USP3: variants seen among roughly 807,000 people sequenced by gnomAD.
USP3 encodes the protein ubiquitin carboxyl-terminal hydrolase 3.
In USP3, 20 loss-of-function variants were observed where a neutral mutation model predicts 72.3. The ratio of observed to expected loss-of-function variants is 0.28; its 90% confidence interval spans 0.19 to 0.40. USP3 has a LOEUF of 0.40. USP3 is among the 10% of genes least tolerant of loss of function. The pLI is 1.00. For synonymous variants in USP3, 222 were observed against 225.3 expected, an observed-to-expected ratio of 0.99 and a Z score of 0.13; for missense variants, 479 against 633.9, an observed-to-expected ratio of 0.76 and a Z score of 2.62.
chr15:63,585,028 T>C (rs1328428032), intron 11 of USP3, among the ~76,000 whole-genome samples: 2 of 152,204 alleles, frequency 1.3e-5, no homozygotes. Flanking sequence ...TTGAGTAGTC[T>C]TGTCATTCTT....
intron 1 of USP3, among the ~76,000 whole-genome samples, chr15:63,524,822 C>T (rs1330315349): frequency 6.6e-6 from 1 of 152,130 alleles, no homozygotes; most frequent in Non-Finnish European, 1.5e-5. Context: ...TTCATAAGGC[C>T]TGGAGTTGCA....
In USP3 at chr15:63,591,871, A is replaced by AGTT. The variant is rs1462692438; in HGVS notation, c.*1047_*1049dup. The AGTT allele has an allele frequency of 6.6e-6, 1 of 152,104 alleles. No individual in the cohort carries two copies. Among genetic ancestry groups the AGTT allele is most frequent in the Non-Finnish European group, 1.5e-5 (1 of 68,036 alleles). 9.4% of individuals were successfully genotyped at this position (152,104 alleles called of 1,614,324 possible). On this transcript the variant is annotated 3_prime_UTR_variant, in exon 15 of 15. Transcript: ENST00000380324. ...CTGGCCTATCCTGATTGATAGGACA[A>AGTT]GTTGAAAATACTGTTGGAGTAAGTA...
At chr15:63,540,373 T>C (rs1249302553) in intron 3 of USP3, among the ~76,000 whole-genome samples, 1 of 152,366 alleles carries the variant, frequency 6.6e-6, no homozygotes, top group South Asian at 2.1e-4. Context: ...TTTGTAAATG[T>C]CCTTGGAGAC....
chr15:63,594,431 G>A lies in USP3; in HGVS notation c.*3605G>A, dbSNP rs1199899879. 1 of 152,200 alleles carries A rather than the reference G, an allele frequency of 6.6e-6. No homozygotes were observed. The highest frequency in any genetic ancestry group is 1.9e-4 in the East Asian group (1 of 5,198). 9.4% of individuals were successfully genotyped at this position (152,200 alleles called of 1,614,324 possible). The stretch of plus-strand genomic sequence containing the variant: ...GGGTGCAGTGCCTTCCCCCTCAGGT[G>A]TGAGCGTGATGGACTCTAGACTGCC... On this transcript the variant is annotated 3_prime_UTR_variant, in exon 15 of 15. Transcript: ENST00000380324.
chr15:63,574,223 AGT>A lies in USP3; in HGVS notation c.1015+74_1015+75del, dbSNP rs2152679057. ...AATTTAATGTTTCCTTCAAAAAATAAGTGTAAAGAGAAATCTAGAAATACATC... is the reference window on the plus strand; with the variant it reads ...AATTTAATGTTTCCTTCAAAAAATAAGTAAAGAGAAATCTAGAAATACATC... On this transcript the variant is annotated intron_variant, in intron 10 of 14. Coordinates refer to ENST00000380324, the MANE Select transcript of USP3 (RefSeq NM_006537.4). The surrounding 1 kb of genome is among the most constrained non-coding windows in gnomAD (Gnocchi z 4.6). 1 of 1,401,912 alleles carries A rather than the reference AGT, an allele frequency of 7.1e-7. No individual in the cohort carries two copies. Among genetic ancestry groups the A allele is most frequent in the East Asian group, 2.5e-5 (1 of 39,270 alleles). 86.8% of individuals were successfully genotyped at this position (1,401,912 alleles called of 1,614,324 possible).
chr15:63,515,861 C>G (rs908995799), intron 1 of USP3, among the ~76,000 whole-genome samples: 6 of 152,198 alleles, frequency 3.9e-5, no homozygotes, highest in African/African-American at 1.2e-4. Flanking sequence ...CACTCTCAGT[C>G]CTGCTGTCCA....
chr15:63,589,301 T>C (rs2067138797), intron 14 of USP3, among the ~76,000 whole-genome samples: 1 of 152,212 alleles, frequency 6.6e-6, no homozygotes, highest in African/African-American at 2.4e-5. Flanking sequence ...CCAACTGAAA[T>C]TTAAATGGGG....
chr15:63,588,924 C>T lies in USP3; in HGVS notation c.1330-20C>T, dbSNP rs766309505. 54 of 1,613,980 alleles carry T rather than the reference C, an allele frequency of 3.3e-5. No individual in the cohort carries two copies. The Admixed American group carries it at 7.3e-4, about 22-fold the overall frequency. On this transcript the variant is annotated intron_variant, in intron 13 of 14. Transcript: ENST00000380324. This position sits in a 1 kb window ranked among gnomAD's most constrained non-coding sequence, Gnocchi z 4.6. ...GATACTGATGTCATTGACCACTGCT[C>T]CTTCTTCCTTGTTCTGTAGCCTGAG...
At position 63,520,554 on chromosome 15, in the gene USP3, A is replaced by ATTTTTTTTTTTTTTTTTTTTTTTT. The variant is rs35244583; in HGVS notation, c.92-12089_92-12066dup. On this transcript the variant is annotated intron_variant, in intron 1 of 14. Coordinates refer to ENST00000380324, the MANE Select transcript of USP3 (RefSeq NM_006537.4). Reference sequence around the variant, plus strand: ...TTTGTTTGTTTGATTTCTGTTTTAGATTTTTTTTTTTTTTTTTTTTTTTTT... The same window carrying ATTTTTTTTTTTTTTTTTTTTTTTT: ...TTTGTTTGTTTGATTTCTGTTTTAGATTTTTTTTTTTTTTTTTTTTTTTTTTTTTTTTTTTTTTTTTTTTTTTTT... Among the ~76,000 whole-genome samples the ATTTTTTTTTTTTTTTTTTTTTTTT allele has an allele frequency of 1.7e-4, 18 of 105,424 alleles. 9 individuals are homozygous for ATTTTTTTTTTTTTTTTTTTTTTTT. Among genetic ancestry groups the ATTTTTTTTTTTTTTTTTTTTTTTT allele is most frequent in the Admixed American group, 2.1e-4 (2 of 9,740 alleles). 69.2% of individuals were successfully genotyped at this position (105,424 alleles called of 152,430 possible). A position where few individuals can be genotyped will look rare whatever the true frequency, so the allele number is the denominator to read the frequency against.
At chr15:63,520,554 A>ATTT (rs35244583) in intron 1 of USP3, among the ~76,000 whole-genome samples, 3 of 105,420 alleles carry the variant, frequency 2.8e-5, no homozygotes, top group African/African-American at 1.1e-4. Flanking sequence ...TCTGTTTTAG[A>ATTT]TTTTTTTTTT....
chr15:63,581,348 TGTGTG>T (rs2066956984), intron 11 of USP3, among the ~76,000 whole-genome samples: 3 of 4,224 alleles, frequency 7.1e-4, no homozygotes, highest in African/African-American at 2.6e-3. Flanking sequence ...TTGGTTTTTG[TGTGTG>T]TGTGTGTGTG....
intron 1 of USP3, among the ~76,000 whole-genome samples, chr15:63,517,526 A>T (rs1477637998): frequency 3.3e-5 from 5 of 152,246 alleles, no homozygotes; most frequent in African/African-American, 9.6e-5. Context: ...TCATGTAAAA[A>T]GCTTTGTAAC....
At chr15:63,508,507 G>A (rs1196339684) in intron 1 of USP3, among the ~76,000 whole-genome samples, 2 of 152,126 alleles carry the variant, frequency 1.3e-5, no homozygotes, top group Non-Finnish European at 1.5e-5. Flanking sequence ...TCCTAATAAC[G>A]TAAAGGCTGA....
chr15:63,580,911 C>T (rs1214262997), intron 11 of USP3, among the ~76,000 whole-genome samples: 3 of 151,564 alleles, frequency 2.0e-5, no homozygotes, highest in African/African-American at 7.3e-5. Context: ...CAGGTTCAAG[C>T]GATTCTCCTG....
intron 3 of USP3, among the ~76,000 whole-genome samples, chr15:63,548,147 A>G (rs932621013): frequency 2.0e-5 from 3 of 151,114 alleles, no homozygotes; most frequent in African/African-American, 7.3e-5. Flanking sequence ...CTAAAAAAAA[A>G]TCTTAGAGAC....
intron 3 of USP3, among the ~76,000 whole-genome samples, chr15:63,543,983 G>C (rs755979532): frequency 5.9e-5 from 9 of 151,470 alleles, no homozygotes; most frequent in Non-Finnish European, 1.2e-4. Flanking sequence ...GCTGAGACAG[G>C]AGGATCTCTT....
chr15:63,538,488 A>G (rs796254137), intron 3 of USP3, among the ~76,000 whole-genome samples: 20 of 152,046 alleles, frequency 1.3e-4, no homozygotes, highest in African/African-American at 4.8e-4. Flanking sequence ...CGATAATTGT[A>G]TGATAGGAAG....
chr15:63,537,660 A>G (rs796338094), intron 3 of USP3, among the ~76,000 whole-genome samples: 63 of 152,238 alleles, frequency 4.1e-4, no homozygotes, highest in African/African-American at 1.4e-3. Flanking sequence ...GTGAATGTCA[A>G]GAATTTGGTA....
At chr15:63,567,476 A>G (rs1369766326) in intron 8 of USP3, among the ~76,000 whole-genome samples, 1 of 151,178 alleles carries the variant, frequency 6.6e-6, no homozygotes, top group East Asian at 2.0e-4. Context: ...CCTCCCGAGT[A>G]GCTGGGACTA....
Sources: allele counts gnomAD v4.1 joint callset (sites outside exome capture counted in the v4.1 genomes callset), GRCh38; gene constraint gnomAD v4.1.1; non-coding constraint Gnocchi (gnomAD v3.1); transcripts MANE v1.5; gene names NCBI Gene and HGNC (gene_info 2026-07-23, HGNC 2026-07-21).